VPS13C: variants seen among roughly 807,000 people sequenced by gnomAD.
The protein encoded by VPS13C is vacuolar protein sorting 13 homolog C, also known as intermembrane lipid transfer protein VPS13C.
In VPS13C, 358 loss-of-function variants were observed where a neutral mutation model predicts 456.8. That is an observed-to-expected ratio of 0.78 (90% CI 0.72 to 0.86). The LOEUF (loss-of-function observed/expected upper bound fraction) is 0.86, where lower values mean the gene tolerates loss of function less well. Among genes scored for constraint, VPS13C ranks in the 40% least tolerant of loss-of-function variants. The pLI, the probability that VPS13C is intolerant of heterozygous loss-of-function variation, is 0.00. For synonymous variants in VPS13C, 1,578 were observed against 1,486.7 expected, an observed-to-expected ratio of 1.06 and a Z score of -1.41; for missense variants, 4,818 against 4,385.4, an observed-to-expected ratio of 1.10 and a Z score of -2.79.
chr15:62,050,966 T>C (rs988400404), intron 1 of VPS13C, among the ~76,000 whole-genome samples: 9 of 150,630 alleles, frequency 6.0e-5, no homozygotes, highest in Admixed American at 1.3e-4. Context: ...TTGCTAGTTA[T>C]AGAAAACAAC....
intron 35 of VPS13C, 126 bp from the exon 36 acceptor site, chr15:61,959,721 AT>A: frequency 1.1e-6 from 1 of 902,748 alleles, no homozygotes; most frequent in Non-Finnish European, 1.6e-6. Flanking sequence ...TGGCTTGAGT[AT>A]TTTCAAAACT....
intron 23 of VPS13C, among the ~76,000 whole-genome samples, chr15:61,977,541 T>C (rs557208410): frequency 6.6e-6 from 1 of 151,894 alleles, no homozygotes; most frequent in South Asian, 2.1e-4. Context: ...AGGTTGATAA[T>C]TACAGTGAAA....
chr15:61,855,984 T>A (rs1225479346), intron 83 of VPS13C, among the ~76,000 whole-genome samples: 1 of 151,666 alleles, frequency 6.6e-6, no homozygotes, highest in Non-Finnish European at 1.5e-5. Context: ...GCAACATGGG[T>A]GTCCATATGA....
chr15:61,988,837 T>A (rs2046137724), intron 18 of VPS13C, among the ~76,000 whole-genome samples: 1 of 152,132 alleles, frequency 6.6e-6, no homozygotes, highest in African/African-American at 2.4e-5. Context: ...CGGTGCTATG[T>A]AAGGAGACAG....
rs1555429556 is a variant in VPS13C, at chr15:61,961,796, T to C, written c.3701A>G (p.Gln1234Arg). Residue 1234 changes from glutamine (Q) to arginine (R), a missense_variant, in exon 35 of 85, where the codon CAG (glutamine) becomes CGG (arginine). This residue lies in a region of VPS13C where 4,552 missense variants were observed against 4,130.6 expected (regional missense o/e 1.10). Coordinates refer to ENST00000644861, the MANE Select transcript of VPS13C (RefSeq NM_020821.3). ...ATTGATGGAAACACGAAAACTCCTC[T>C]GGGCAAGATCTTTCACACTTGTGGC... ...RAATSVKDLA[Q>R]RSFRVSINID... 1 of 1,614,050 alleles carries C rather than the reference T, an allele frequency of 6.2e-7. No individual in the cohort carries two copies. The highest frequency in any genetic ancestry group is 1.1e-5 in the South Asian group (1 of 91,084).
Position 61,917,455 on chromosome 15 carries a change from T to C in VPS13C, c.7941A>G (p.Glu2647=), listed in dbSNP as rs2043508006. ...CCCCATGTGTACATATGTAGCTCAA[T>C]TCATCAGGCAGAGCAACTGTATTCA... The part of the protein sequence containing the change: ...LIVNTVALPD[E]LSYICTHGED... Residue 2647 remains glutamate, a synonymous_variant, in exon 60 of 85, where the codon GAA becomes GAG. Coordinates refer to ENST00000644861, the MANE Select transcript of VPS13C (RefSeq NM_020821.3). 16 of 1,614,026 alleles carry C rather than the reference T, an allele frequency of 9.9e-6. No homozygotes were observed. The highest frequency in any genetic ancestry group is 1.4e-5 in the Non-Finnish European group (16 of 1,179,912).
At chr15:61,925,317 A>C (rs1376657999) in intron 53 of VPS13C, 139 bp downstream of exon 53, 69 of 423,832 alleles carry the variant, frequency 1.6e-4, no homozygotes, top group Non-Finnish European at 1.7e-5. Flanking sequence ...TTAATGTTAG[A>C]AGTTACTGAT....
At chr15:62,001,880 G>T (rs980216922) in intron 15 of VPS13C, among the ~76,000 whole-genome samples, 9 of 152,140 alleles carry the variant, frequency 5.9e-5, no homozygotes, top group Non-Finnish European at 1.2e-4. Context: ...AGTATTCCAT[G>T]GTGTATATGT....
At position 62,013,965 on chromosome 15, in the gene VPS13C, T is replaced by A. The variant is rs775556494; in HGVS notation, c.712A>T (p.Ile238Leu). ...LTANEHWTPCILNEADKIIYK... is the reference protein window; with the variant it reads ...LTANEHWTPCLLNEADKIIYK... The stretch of plus-strand genomic sequence containing the variant: ...ATAATTTTGTCTGCTTCATTTAATA[T>A]GCATGGAGTCCAGTGTTCATTTGCA... The change falls in exon 10 of 85, where the codon ATA (isoleucine) becomes TTA (leucine). Residue 238 changes from isoleucine to leucine, a missense_variant. This residue lies in a region of VPS13C where 4,552 missense variants were observed against 4,130.6 expected (regional missense o/e 1.10). Transcript: ENST00000644861. 2 of 1,610,616 alleles carry A rather than the reference T, an allele frequency of 1.2e-6. No individual in the cohort carries two copies. Among genetic ancestry groups the A allele is most frequent in the South Asian group, 1.1e-5 (1 of 90,688 alleles).
chr15:61,978,001 T>G (rs1251593510), intron 23 of VPS13C, among the ~76,000 whole-genome samples: 1 of 152,048 alleles, frequency 6.6e-6, no homozygotes, highest in Non-Finnish European at 1.5e-5. Context: ...AACGTGATAC[T>G]ATGATCAAGG....
rs2043457408 is a variant in VPS13C at position 61,915,909 on chromosome 15, C to G, written c.8169G>C (p.Trp2723Cys). The G allele has an allele frequency of 1.3e-5, 21 of 1,613,892 alleles. No individual in the cohort carries two copies. Among genetic ancestry groups the G allele is most frequent in the Non-Finnish European group, 1.8e-5 (21 of 1,179,992 alleles). Residue 2723 changes from tryptophan (W) to cysteine (C), a missense_variant, in exon 61 of 85, where the codon TGG becomes TGC. Trp to Cys is a radical substitution (Grantham distance 215, BLOSUM62 -2). Coordinates refer to ENST00000644861, the MANE Select transcript of VPS13C (RefSeq NM_020821.3). The part of the protein sequence containing the change: ...LVLVKYQGKN[W>C]NGHFRIRDTL... ...TATCACGTATGCGGAAATGTCCATT[C>G]CAGTTTTTGCCCTGGTATTTCACCA...
In VPS13C at chr15:61,852,659, G is replaced by C. The variant is rs1233605149; in HGVS notation, c.*1798C>G. The C allele has an allele frequency of 6.6e-6, 1 of 151,918 alleles. No homozygotes were observed. Among genetic ancestry groups the C allele is most frequent in the Non-Finnish European group, 1.5e-5 (1 of 67,978 alleles). The allele number at this position is 151,918 out of a possible 1,614,324, so 9.4% of individuals were successfully genotyped here. ...TCTGTTTTAAAAACACAAAACACTA[G>C]AACAGTTGCTATGAAATTACTGATA... On this transcript the variant is annotated 3_prime_UTR_variant, in exon 85 of 85. Transcript: ENST00000644861.
chr15:61,967,394 C>T lies in VPS13C; in HGVS notation c.2965G>A (p.Asp989Asn). ...TTAATATACTCCACTTTCAAAAGAT[C>T]TAATCCAGGTTTGTCAGAAGAGCTA... ...LISSSDKPGL[D>N]LLKVEYIKAD... The change falls in exon 29 of 85, where the codon GAT (aspartate) becomes AAT (asparagine). Residue 989 changes from aspartate (D) to asparagine (N), a missense_variant. Coordinates refer to ENST00000644861, the MANE Select transcript of VPS13C (RefSeq NM_020821.3). The T allele has an allele frequency of 1.9e-6, 3 of 1,606,854 alleles. No homozygotes were observed. The highest frequency in any genetic ancestry group is 2.5e-6 in the Non-Finnish European group (3 of 1,176,586).
chr15:61,920,383 C>A, intron 56 of VPS13C, 52 bp from the exon 57 acceptor site: 1 of 1,517,180 alleles, frequency 6.6e-7, no homozygotes, highest in Non-Finnish European at 8.8e-7. Context: ...ATACATTCTT[C>A]CCAAAACCTA....
chr15:62,007,571 AT>A, intron 14 of VPS13C, 92 bp from the exon 15 acceptor site: 2 of 1,164,484 alleles, frequency 1.7e-6, no homozygotes, highest in Admixed American at 3.6e-5. Flanking sequence ...ATGCTGTCAA[AT>A]TTTTTGTTCT....
chr15:62,016,709 G>C (rs1212740474), intron 9 of VPS13C, among the ~76,000 whole-genome samples: 1 of 152,022 alleles, frequency 6.6e-6, no homozygotes, highest in African/African-American at 2.4e-5. Context: ...CTTTGCTATT[G>C]TGAGTAGTGC....
At chr15:61,937,721 G>T (rs548538071) in intron 47 of VPS13C, among the ~76,000 whole-genome samples, 1 of 152,100 alleles carries the variant, frequency 6.6e-6, no homozygotes, top group Non-Finnish European at 1.5e-5. Flanking sequence ...TGATCCAACC[G>T]CCTCGGCCTC....
Position 61,940,549 on chromosome 15 carries a change from G to A in VPS13C, c.5601+98C>T, listed in dbSNP as rs546282430. 2.0e-5 allele frequency: 24 copies of A among 1,200,160 alleles called. No individual in the cohort carries two copies. The East Asian group carries it at 3.7e-4, about 19-fold the overall frequency. The allele number at this position is 1,200,160 out of a possible 1,614,324, so 74.3% of individuals were successfully genotyped here. A position where few individuals can be genotyped will look rare whatever the true frequency, so the allele number is the denominator to read the frequency against. ...AAACTGGTTTAGCTTTATCAATAAC[G>A]TAGCAACTCCTACATTCTGATATCC... is the stretch of plus-strand genomic sequence containing the variant. On this transcript the variant is annotated intron_variant, in intron 47 of 84. Transcript: ENST00000644861.
At position 61,917,596 on chromosome 15, in the gene VPS13C, A is replaced by C. The variant is rs769893040; in HGVS notation, c.7800T>G (p.His2600Gln). 1.2e-6 allele frequency: 2 copies of C among 1,613,004 alleles called. No individual in the cohort carries two copies. Among genetic ancestry groups the C allele is most frequent in the Non-Finnish European group, 1.7e-6 (2 of 1,179,054 alleles). ...LFIQPAGILE[H>Q]QYKESTTYIS... is the part of the protein sequence containing the mutation. ...TATAAGTGGTAGATTCTTTGTACTG[A>C]TGCTCTAAGATTCCAGCTGGCTGGA... The change falls in exon 60 of 85, where the codon CAT (histidine) becomes CAG (glutamine). Residue 2600 changes from histidine (H) to glutamine (Q), a missense_variant. His to Gln is a conservative substitution (Grantham distance 24). Around this residue, in one of 3 missense-constraint regions of VPS13C, gnomAD observed 4,552 missense variants for 4,130.6 expected, o/e 1.10. Transcript: ENST00000644861.
Sources: allele counts gnomAD v4.1 joint callset (sites outside exome capture counted in the v4.1 genomes callset), GRCh38; gene constraint gnomAD v4.1.1; regional missense constraint gnomAD v4.1.1; transcripts MANE v1.5; gene names NCBI Gene and HGNC (gene_info 2026-07-23, HGNC 2026-07-21).